COL4A6: variants seen among roughly 807,000 people sequenced by gnomAD.
The protein encoded by COL4A6 is collagen alpha-6(IV) chain.
Under a neutral mutation model 126.7 loss-of-function variants are expected in COL4A6, and 59 were observed. That is an observed-to-expected ratio of 0.47 (90% CI 0.38 to 0.58). COL4A6 has a LOEUF of 0.58. COL4A6 is among the 20% of genes least tolerant of loss of function. COL4A6 has a pLI of 0.00. For missense variants in COL4A6, 1,285 were observed against 1,337.3 expected, an observed-to-expected ratio of 0.96 and a Z score of 0.61; for synonymous variants, 547 against 496.6, an observed-to-expected ratio of 1.10 and a Z score of -1.35.
chrX:108,221,207 C>G (rs2036009835), intron 4 of COL4A6, 33 bp downstream of exon 4: 4 of 1,207,044 alleles, frequency 3.3e-6, no homozygotes, highest in Middle Eastern at 2.3e-4. Flanking sequence ...GTGGCCCATG[C>G]ATCAAAGAGA....
intron 17 of COL4A6, among the ~76,000 whole-genome samples, chrX:108,193,051 C>T: frequency 9.0e-6 from 1 of 111,661 alleles, no homozygotes; most frequent in East Asian, 2.8e-4. Flanking sequence ...ACAGTAGAAG[C>T]CTTTGGTCAA....
In COL4A6 at chrX:108,180,518, G is replaced by T. The variant is rs1207810171; in HGVS notation, c.2128C>A (p.Pro710Thr). The change falls in exon 25 of 45, where the codon CCA (proline) becomes ACA (threonine). Residue 710 changes from proline to threonine, a missense_variant. Transcript: ENST00000334504. ...SPGLVHLPEL[P>T]GFPGPRGEKG... ...GAGGAGACACTCCTTTTCTTACCTG[G>T]TAATTCAGGAAGATGAACCAATCCT... The T allele has an allele frequency of 2.5e-6, 3 of 1,198,512 alleles. No individual in the cohort carries two copies. The Admixed American group carries it at 6.7e-5, about 27-fold the overall frequency.
At chrX:108,430,304 A>T (rs1269057247) in intron 2 of COL4A6, among the ~76,000 whole-genome samples, 1 of 111,814 alleles carries the variant, frequency 8.9e-6, no homozygotes, top group African/African-American at 3.3e-5. Flanking sequence ...AATGGTGAGA[A>T]GTTCAGTCTG....
intron 3 of COL4A6, among the ~76,000 whole-genome samples, chrX:108,256,711 C>T (rs1281452160): frequency 9.0e-6 from 1 of 111,143 alleles, no homozygotes; most frequent in Non-Finnish European, 1.9e-5. Context: ...ACCCCGAGAC[C>T]TACTGAATCA....
At chrX:108,233,480 T>C (rs1434962810) in intron 3 of COL4A6, among the ~76,000 whole-genome samples, 2 of 110,840 alleles carry the variant, frequency 1.8e-5, no homozygotes, top group South Asian at 3.8e-4. Context: ...AAAAAAAGGG[T>C]AGGATCAAAG....
At position 108,294,414 on chromosome X, in the gene COL4A6, G is replaced by GTGT. The variant is rs1491340135; in HGVS notation, c.144+16333_144+16334insACA. On this transcript the variant is annotated intron_variant, in intron 3 of 44. Transcript: ENST00000334504. Reference sequence around the variant, plus strand: ...GGGCAATTGTGTTTTTTTTTTTTTTGGTGTGTGTGTGTGTGTGTATGTGGT... The same window carrying GTGT: ...GGGCAATTGTGTTTTTTTTTTTTTTGTGTGTGTGTGTGTGTGTGTGTATGTGGT... Among the ~76,000 whole-genome samples the GTGT allele has an allele frequency of 2.6e-3, 150 of 57,771 alleles. 1 individual carries two copies. In the Admixed American group the frequency reaches 0.033, roughly 13 times the overall value. The allele number at this position is 57,771 out of a possible 115,157, so 50.2% of individuals were successfully genotyped here.
At chrX:108,187,787 C>A (rs971136541) in intron 22 of COL4A6, 61 bp downstream of exon 22, 11 of 1,067,153 alleles carry the variant, frequency 1.0e-5, no homozygotes, top group African/African-American at 1.8e-5. Flanking sequence ...GCCATCAGAC[C>A]CCCCAACAAA....
At chrX:108,319,922 T>A (rs760392268) in intron 2 of COL4A6, among the ~76,000 whole-genome samples, 1 of 111,824 alleles carries the variant, frequency 8.9e-6, no homozygotes, top group Admixed American at 9.5e-5. Context: ...GGGATGACTT[T>A]AAGTGTACAA....
chrX:108,389,056 T>C lies in COL4A6; in HGVS notation c.63+48886A>G, dbSNP rs2040771023. Among the ~76,000 whole-genome samples, 4 of 112,113 alleles carry C rather than the reference T, an allele frequency of 3.6e-5. No homozygotes were observed. The South Asian group carries it at 1.1e-3, about 31-fold the overall frequency. On this transcript the variant is annotated intron_variant, in intron 2 of 44. Transcript: ENST00000334504. Reference sequence around the variant, plus strand: ...GGGTTTCTTAATCCTGAGTTCTAATTTGATTGCATTGTGGTCTGACAGACT... The same window carrying C: ...GGGTTTCTTAATCCTGAGTTCTAATCTGATTGCATTGTGGTCTGACAGACT...
intron 3 of COL4A6, among the ~76,000 whole-genome samples, chrX:108,286,728 C>T (rs2038014912): frequency 9.0e-6 from 1 of 111,021 alleles, no homozygotes; most frequent in East Asian, 2.8e-4. Context: ...CACATCACCA[C>T]ACCTGGCTAA....
intron 4 of COL4A6, among the ~76,000 whole-genome samples, chrX:108,220,816 T>TAA (rs1013643078): frequency 8.9e-6 from 1 of 112,687 alleles, no homozygotes; most frequent in Non-Finnish European, 1.9e-5. Context: ...CATCTCTTAT[T>TAA]AAAATATGCA....
intron 2 of COL4A6, among the ~76,000 whole-genome samples, chrX:108,385,253 G>A (rs1038661575): frequency 2.8e-5 from 3 of 106,111 alleles, no homozygotes; most frequent in African/African-American, 1.0e-4. Flanking sequence ...TACATTTACA[G>A]TACTATCAAA....
chrX:108,267,455 C>T (rs1233610055), intron 3 of COL4A6, among the ~76,000 whole-genome samples: 3 of 112,244 alleles, frequency 2.7e-5, no homozygotes, highest in African/African-American at 6.5e-5. Flanking sequence ...ATCCATAAAT[C>T]GGTAAATACA....
chrX:108,210,604 A>G (rs2035674135), intron 7 of COL4A6, among the ~76,000 whole-genome samples: 1 of 112,331 alleles, frequency 8.9e-6, no homozygotes, highest in Admixed American at 9.4e-5. Context: ...GACAATGACC[A>G]AATTTTGACA....
intron 3 of COL4A6, among the ~76,000 whole-genome samples, chrX:108,230,535 G>A (rs958547857): frequency 9.0e-6 from 1 of 111,634 alleles, no homozygotes; most frequent in African/African-American, 3.3e-5. Context: ...TGGTTGGGGG[G>A]AAATGCAAGA....
intron 35 of COL4A6, 139 bp downstream of exon 35, chrX:108,170,470 T>C (rs2034265400): frequency 1.8e-6 from 1 of 554,077 alleles, no homozygotes; most frequent in Non-Finnish European, 3.1e-6. Context: ...CTCTTCATCT[T>C]CCTTTCCCAT....
intron 2 of COL4A6, among the ~76,000 whole-genome samples, chrX:108,432,558 G>C (rs968393780): frequency 8.9e-6 from 1 of 112,199 alleles, no homozygotes; most frequent in African/African-American, 3.2e-5. Flanking sequence ...AGAGGAGGCC[G>C]GGTGCGGTGG....
In COL4A6 at chrX:108,280,065, G is replaced by A. The variant is rs1343214170; in HGVS notation, c.144+30683C>T. Among the ~76,000 whole-genome samples, 18 of 111,057 alleles carry A rather than the reference G, an allele frequency of 1.6e-4. No individual in the cohort carries two copies. The Admixed American group carries it at 1.7e-3, about 11-fold the overall frequency. ...AGGAAAGATCCAAAATTGACACCCT[G>A]AGATCACAATTAAAAGAACTAGAAA... On this transcript the variant is annotated intron_variant, in intron 3 of 44. Transcript: ENST00000334504.
intron 22 of COL4A6, 49 bp downstream of exon 22, chrX:108,187,799 T>C: frequency 9.0e-7 from 1 of 1,109,491 alleles, no homozygotes; most frequent in Non-Finnish European, 1.2e-6. Flanking sequence ...CCCAACAAAG[T>C]CAGGTGTGAA....
Sources: allele counts gnomAD v4.1 joint callset (sites outside exome capture counted in the v4.1 genomes callset), GRCh38; gene constraint gnomAD v4.1.1; transcripts MANE v1.5; gene names NCBI Gene and HGNC (gene_info 2026-07-23, HGNC 2026-07-21).